KDM4C: variants seen among roughly 807,000 people sequenced by gnomAD.
KDM4C encodes the protein lysine-specific demethylase 4C.
In KDM4C, 81 loss-of-function variants were observed where a neutral mutation model predicts 129.3. That is an observed-to-expected ratio of 0.63 (90% CI 0.52 to 0.75). KDM4C has a LOEUF of 0.75. Among genes scored for constraint, KDM4C ranks in the 30% least tolerant of loss-of-function variants. KDM4C has a pLI of 0.00. For missense variants in KDM4C, 1,457 were observed against 1,304.0 expected (o/e 1.12, Z -1.81); for synonymous variants, 573 against 456.1 (o/e 1.26, Z -3.26).
At chr9:6,976,503 A>G (rs994044281) in intron 8 of KDM4C, among the ~76,000 whole-genome samples, 3 of 152,216 alleles carry the variant, frequency 2.0e-5, no homozygotes, top group Non-Finnish European at 2.9e-5. Context: ...TCTTAAAGCC[A>G]TTGAACATTT....
At chr9:6,970,804 CT>C (rs1195845658) in intron 8 of KDM4C, among the ~76,000 whole-genome samples, 15 of 140,596 alleles carry the variant, frequency 1.1e-4, no homozygotes, top group African/African-American at 2.3e-4. Flanking sequence ...CCCCCCGCCC[CT>C]AACCCCCACC....
chr9:6,784,331 G>T (rs575041730), intron 1 of KDM4C, among the ~76,000 whole-genome samples: 1 of 152,102 alleles, frequency 6.6e-6, no homozygotes. Flanking sequence ...AGTTAGGTCT[G>T]TTATGTCCTG....
At chr9:6,910,429 A>G (rs568799870) in intron 8 of KDM4C, among the ~76,000 whole-genome samples, 3 of 152,302 alleles carry the variant, frequency 2.0e-5, no homozygotes, top group South Asian at 2.1e-4. Flanking sequence ...GAGAGGCACA[A>G]TTGTGGGTCC....
intron 8 of KDM4C, among the ~76,000 whole-genome samples, chr9:6,964,858 G>A (rs183603457): frequency 6.6e-6 from 1 of 151,666 alleles, no homozygotes; most frequent in Non-Finnish European, 1.5e-5. Context: ...GGAGGCTGAG[G>A]CAGGAGAATC....
chr9:7,162,848 T>TG (rs1469704477), intron 19 of KDM4C, among the ~76,000 whole-genome samples: 1 of 152,090 alleles, frequency 6.6e-6, no homozygotes, highest in Non-Finnish European at 1.5e-5. Context: ...TTGCCTCTGT[T>TG]GGGATTCGAG....
At chr9:6,818,103 G>C (rs1160757639) in intron 4 of KDM4C, among the ~76,000 whole-genome samples, 1 of 152,076 alleles carries the variant, frequency 6.6e-6, no homozygotes, top group Non-Finnish European at 1.5e-5. Flanking sequence ...TGGTCTTTCT[G>C]TTTTATGTGA....
At chr9:6,808,729 A>G (rs1370022874) in intron 3 of KDM4C, among the ~76,000 whole-genome samples, 1 of 148,832 alleles carries the variant, frequency 6.7e-6, no homozygotes, top group East Asian at 2.0e-4. Flanking sequence ...ACACTGTTAC[A>G]TCTGCCATAT....
chr9:6,875,341 A>G (rs7035934), intron 5 of KDM4C, among the ~76,000 whole-genome samples: 94,282 of 151,908 alleles, frequency 0.62, 29,687 homozygotes, highest in South Asian at 0.71. Flanking sequence ...CAGGGTGGAC[A>G]CCTGCATGTG....
intron 5 of KDM4C, among the ~76,000 whole-genome samples, chr9:6,859,599 C>T (rs1342585719): frequency 1.4e-5 from 2 of 143,582 alleles, no homozygotes; most frequent in African/African-American, 2.6e-5. Context: ...CGCGGTGGCT[C>T]ACGCCTGTAA....
chr9:6,968,667 G>C (rs1589376832), intron 8 of KDM4C, among the ~76,000 whole-genome samples: 1 of 152,080 alleles, frequency 6.6e-6, no homozygotes, highest in East Asian at 1.9e-4. Flanking sequence ...TTGAAAATAG[G>C]CTTCCAAAAA....
intron 6 of KDM4C, among the ~76,000 whole-genome samples, chr9:6,882,270 A>G (rs886793290): frequency 6.6e-6 from 1 of 152,186 alleles, no homozygotes; most frequent in Non-Finnish European, 1.5e-5. Context: ...TTTTGGTTTG[A>G]TACAATTGGA....
chr9:6,936,857 C>G (rs1470139854), intron 8 of KDM4C, among the ~76,000 whole-genome samples: 1 of 152,138 alleles, frequency 6.6e-6, no homozygotes, highest in Non-Finnish European at 1.5e-5. Context: ...GTAATAAGAC[C>G]TCCCCTACAG....
intron 8 of KDM4C, among the ~76,000 whole-genome samples, chr9:6,960,126 A>G (rs1235202001): frequency 6.6e-6 from 1 of 151,978 alleles, no homozygotes; most frequent in African/African-American, 2.4e-5. Context: ...ATGGAGAAAA[A>G]GCTTGGCCAA....
chr9:6,989,965 A>G (rs987862332), intron 11 of KDM4C, among the ~76,000 whole-genome samples: 1 of 149,512 alleles, frequency 6.7e-6, no homozygotes, highest in African/African-American at 2.5e-5. Context: ...AATTATTGAC[A>G]CAGAGTCTCC....
At chr9:6,929,882 A>T (rs1421327697) in intron 8 of KDM4C, among the ~76,000 whole-genome samples, 1 of 152,208 alleles carries the variant, frequency 6.6e-6, no homozygotes, top group Non-Finnish European at 1.5e-5. Context: ...CGATTTCTAC[A>T]ACCCTCTGCC....
intron 2 of KDM4C, among the ~76,000 whole-genome samples, chr9:6,798,031 T>C (rs927687374): frequency 1.3e-4 from 20 of 152,220 alleles, no homozygotes; most frequent in African/African-American, 4.8e-4. Flanking sequence ...CAAGAAAATC[T>C]GATGTCTTAG....
At chr9:6,794,908 C>G (rs1827434126) in intron 2 of KDM4C, among the ~76,000 whole-genome samples, 1 of 152,158 alleles carries the variant, frequency 6.6e-6, no homozygotes. Context: ...CATCGTCCAA[C>G]TTGAGATGGT....
intron 4 of KDM4C, among the ~76,000 whole-genome samples, chr9:6,834,038 A>G (rs978462615): frequency 4.8e-5 from 3 of 62,214 alleles, no homozygotes; most frequent in East Asian, 5.8e-4. Context: ...GACTCAAGAG[A>G]TAGTCTTTTT....
At chr9:7,077,067 A>C in intron 17 of KDM4C, 1 of 985,534 alleles carries the variant, frequency 1.0e-6, no homozygotes. Context: ...GTTTAGGTGA[A>C]AACTATCACT....
Sources: allele counts gnomAD v4.1 joint callset (sites outside exome capture counted in the v4.1 genomes callset), GRCh38; gene constraint gnomAD v4.1.1; transcripts MANE v1.5; gene names NCBI Gene and HGNC (gene_info 2026-07-23, HGNC 2026-07-21).